ZDHHC6: variants seen among roughly 807,000 people sequenced by gnomAD.
ZDHHC6 encodes the protein palmitoyltransferase ZDHHC6.
ZDHHC6 carries 32 observed loss-of-function variants against 57.8 expected under a neutral mutation model. The ratio of observed to expected loss-of-function variants is 0.55; its 90% CI spans 0.42 to 0.74. The LOEUF is 0.74. ZDHHC6 is among the 30% of genes least tolerant of loss of function. The pLI is 0.00. For synonymous variants in ZDHHC6, 128 were observed against 158.0 expected, an observed-to-expected ratio of 0.81 and a Z score of 1.42; for missense variants, 433 against 500.7, an observed-to-expected ratio of 0.86 and a Z score of 1.29.
chr10:112,443,283 CTG>C (rs1846315098), intron 3 of ZDHHC6, among the ~76,000 whole-genome samples: 1 of 152,122 alleles, frequency 6.6e-6, no homozygotes, highest in African/African-American at 2.4e-5. Flanking sequence ...CAAAGTAAAT[CTG>C]TATTTTTCTG....
chr10:112,447,544 A>G, upstream of ZDHHC6: 1 of 1,519,718 alleles, frequency 6.6e-7, no homozygotes, highest in South Asian at 1.2e-5. Flanking sequence ...CGCCCGAGTA[A>G]GTGTGTCTAT....
chr10:112,427,670 AG>A, downstream of ZDHHC6: 1 of 185,690 alleles, frequency 5.4e-6, no homozygotes, highest in Middle Eastern at 2.1e-3. Context: ...TAATACTATT[AG>A]TAACCACAAG....
chr10:112,442,982 ATAGCTGTTCAT>A (rs1472018171), intron 3 of ZDHHC6, among the ~76,000 whole-genome samples: 2 of 152,260 alleles, frequency 1.3e-5, no homozygotes, highest in Non-Finnish European at 2.9e-5. Context: ...ATCAGTGATT[ATAGCTGTTCAT>A]TAAAAAAGGT....
chr10:112,431,126 G>A (rs540921774), intron 10 of ZDHHC6, among the ~76,000 whole-genome samples: 23 of 152,256 alleles, frequency 1.5e-4, no homozygotes, highest in African/African-American at 4.8e-4. Context: ...TGATGATCCC[G>A]AATAGGGACT....
rs1846354873 is a variant in ZDHHC6, at chr10:112,443,603, T to C, written c.271A>G (p.Ile91Val). 2 of 1,610,948 alleles carry C rather than the reference T, an allele frequency of 1.2e-6. No homozygotes were observed. Among genetic ancestry groups the C allele is most frequent in the African/African-American group, 1.3e-5 (1 of 74,972 alleles). The change falls in exon 3 of 11, where the codon ATT becomes GTT. Residue 91 changes from isoleucine to valine, a missense_variant. Coordinates refer to ENST00000369405, the MANE Select transcript of ZDHHC6 (RefSeq NM_022494.3). ...TGGAGATACATGGTATCCTGAGAAA[T>C]TTCCTTGGCAGCAAAACAGAAACAA... ...GFVPLGWKPE[I>V]SQDTMYLQYC...
chr10:112,440,731 T>G (rs773053039), intron 4 of ZDHHC6, 36 bp from the exon 5 acceptor site: 2 of 1,586,176 alleles, frequency 1.3e-6, no homozygotes, highest in African/African-American at 2.7e-5. Context: ...ACAAAATGTT[T>G]GGTTATGGTA....
intron 5 of ZDHHC6, among the ~76,000 whole-genome samples, chr10:112,438,750 T>G (rs1202720432): frequency 6.6e-6 from 1 of 152,224 alleles, no homozygotes; most frequent in Non-Finnish European, 1.5e-5. Flanking sequence ...AAATCTTTTA[T>G]CACTATTTTT....
At chr10:112,431,801 TG>T (rs1172558065) in intron 10 of ZDHHC6, among the ~76,000 whole-genome samples, 3 of 151,468 alleles carry the variant, frequency 2.0e-5, no homozygotes, top group Non-Finnish European at 4.4e-5. Context: ...ATGCTCAAAG[TG>T]GGGGCAGCAA....
At chr10:112,442,950 C>T (rs565321951) in intron 3 of ZDHHC6, among the ~76,000 whole-genome samples, 5 of 152,160 alleles carry the variant, frequency 3.3e-5, no homozygotes, top group East Asian at 1.9e-4. Flanking sequence ...TTGCTTTCAA[C>T]GGTTCTCTAA....
chr10:112,443,010 T>C (rs928682670), intron 3 of ZDHHC6, among the ~76,000 whole-genome samples: 1 of 152,362 alleles, frequency 6.6e-6, no homozygotes, highest in Non-Finnish European at 1.5e-5. Flanking sequence ...AGGTCACAGG[T>C]TATTTCATAT....
chr10:112,424,762 A>G (rs1366100144), exon 12 of ZDHHC6: 1 of 152,194 alleles, frequency 6.6e-6, no homozygotes, highest in African/African-American at 2.4e-5. Flanking sequence ...CCTCAGACCA[A>G]TTAGTTCAGA....
At chr10:112,438,231 T>C in intron 6 of ZDHHC6, 105 bp downstream of exon 6, 1 of 853,148 alleles carries the variant, frequency 1.2e-6, no homozygotes, top group Non-Finnish European at 1.6e-6. Flanking sequence ...TTTAGGCACT[T>C]TTCGTTAATC....
chr10:112,432,338 G>A (rs759356434), intron 9 of ZDHHC6, 38 bp downstream of exon 9: 1 of 1,608,838 alleles, frequency 6.2e-7, no homozygotes, highest in Admixed American at 1.7e-5. Flanking sequence ...TATTAATTTT[G>A]TCCTTGAAGA....
At chr10:112,447,466 T>C (rs745434035), upstream of ZDHHC6, 6 of 1,613,074 alleles carry the variant, frequency 3.7e-6, no homozygotes, top group Non-Finnish European at 5.1e-6. Context: ...GACTCCCGCC[T>C]GGTGAGAGCC....
rs1197924673 is a variant in ZDHHC6, at chr10:112,443,665, C to A, written c.268-59G>T. On this transcript the variant is annotated intron_variant, in intron 2 of 10. Transcript: ENST00000369405. ...CGGATACTTGAATATAAGTATGATT[C>A]CTACGGTATGATTTTCTTTTATGGG... 4 of 1,356,456 alleles carry A rather than the reference C, an allele frequency of 2.9e-6. No homozygotes were observed. In the African/African-American group the frequency reaches 5.8e-5, roughly 20 times the overall value. 84.0% of individuals were successfully genotyped at this position (1,356,456 alleles called of 1,614,324 possible).
At chr10:112,446,941 T>C (rs898137355), upstream of ZDHHC6, 5 of 227,728 alleles carry the variant, frequency 2.2e-5, no homozygotes, top group African/African-American at 6.7e-5. Flanking sequence ...GCGCAGTCTC[T>C]GTTACTGTCA....
chr10:112,425,267 C>A, exon 12 of ZDHHC6: 1 of 1,370,056 alleles, frequency 7.3e-7, no homozygotes, highest in East Asian at 2.5e-5. Flanking sequence ...ATGACTGTGA[C>A]TTCACCACTC....
intron 4 of ZDHHC6, 27 bp downstream of exon 4, chr10:112,442,165 T>C: frequency 1.3e-6 from 2 of 1,582,282 alleles, no homozygotes; most frequent in Non-Finnish European, 1.7e-6. Flanking sequence ...GATGATTTTA[T>C]AACAAAACAT....
At chr10:112,428,265 C>T, downstream of ZDHHC6, 1 of 388,008 alleles carries the variant, frequency 2.6e-6, no homozygotes. Flanking sequence ...GTGAAGGAAC[C>T]AACTGATCTC....
Sources: gnomAD v4.1 joint callset for allele counts (sites outside exome capture counted in the v4.1 genomes callset) on GRCh38, gnomAD v4.1.1 for gene constraint, MANE v1.5 for transcripts, NCBI Gene and HGNC (gene_info 2026-07-23, HGNC 2026-07-21) for gene names.